The following PEAR1 variants were observed in gnomAD, a reference collection of about 807,000 sequenced individuals.
PEAR1 encodes the protein platelet endothelial aggregation receptor 1, also known as multiple EGF-like domains protein 12.
PEAR1 carries 113 observed loss-of-function variants against 131.2 expected under a neutral mutation model. That is an observed-to-expected ratio of 0.86 (90% CI 0.74 to 1.01). The LOEUF (loss-of-function observed/expected upper bound fraction) is 1.01, where lower values mean the gene tolerates loss of function less well. PEAR1 is among the 50% of genes least tolerant of loss of function. PEAR1 has a pLI of 0.00. For missense variants in PEAR1, 1,408 were observed against 1,391.1 expected (o/e 1.01, Z -0.19); for synonymous variants, 565 against 523.3 (o/e 1.08, Z -1.09).
Position 156,904,006 on chromosome 1 carries a change from A to G in PEAR1, c.80A>G (p.Asn27Ser). ...LAGTLNPSDP[N>S]TCSFWESFTT... The stretch of plus-strand genomic sequence containing the variant: ...GGAACTCTCAACCCCAGTGATCCCA[A>G]TACCTGCAGCTTCTGGGAAAGGTGA... Residue 27 changes from asparagine to serine, a missense_variant, in exon 2 of 23, where the codon AAT (asparagine) becomes AGT (serine). Physicochemically the swap from Asn to Ser is conservative, Grantham distance 46 (BLOSUM62 1). Coordinates refer to ENST00000292357, the MANE Select transcript of PEAR1 (RefSeq NM_001080471.3). 6.2e-7 allele frequency: 1 copy of G among 1,613,958 alleles called. No individual in the cohort carries two copies. The highest frequency in any genetic ancestry group is 1.7e-4 in the Middle Eastern group (1 of 6,058).
In PEAR1 at chr1:156,909,993, C is replaced by G. The variant is rs115062235; in HGVS notation, c.1576-13C>G. ...AGCTGACTGGCCTACCTGCTCCCCA[C>G]TCCTTCTCCAAGAAGGGGCAGTTTG... On this transcript the variant is annotated splice_polypyrimidine_tract_variant and intron_variant, in intron 12 of 22. Transcript: ENST00000292357. The G allele has an allele frequency of 3.5e-5, 56 of 1,613,216 alleles. No individual in the cohort carries two copies. The Admixed American group carries it at 9.0e-4, about 26-fold the overall frequency.
In PEAR1 at chr1:156,910,671, C is replaced by T. The variant is rs766090914; in HGVS notation, c.1879C>T (p.His627Tyr). Residue 627 changes from histidine (H) to tyrosine (Y), a missense_variant, in exon 15 of 23, where the codon CAC becomes TAC. Coordinates refer to ENST00000292357, the MANE Select transcript of PEAR1 (RefSeq NM_001080471.3). ...KRCVPCKCAN[H>Y]SFCHPSNGTC... ...CTGTGTGCCCTGCAAGTGCGCTAAC[C>T]ACTCCTTCTGCCACCCCTCGAACGG... 51 of 1,614,000 alleles carry T rather than the reference C, an allele frequency of 3.2e-5. No individual in the cohort carries two copies. The South Asian group carries it at 5.5e-4, about 17-fold the overall frequency.
intron 15 of PEAR1, among the ~76,000 whole-genome samples, chr1:156,911,732 C>A (rs775546018): frequency 6.6e-6 from 1 of 151,806 alleles, no homozygotes; most frequent in Non-Finnish European, 1.5e-5. Context: ...CCAAGTAAAA[C>A]GAGTTTGGAA....
chr1:156,908,373 G>A lies in PEAR1; in HGVS notation c.1115+33G>A. 1 of 1,471,606 alleles carries A rather than the reference G, an allele frequency of 6.8e-7. No individual in the cohort carries two copies. The highest frequency in any genetic ancestry group is 9.0e-7 in the Non-Finnish European group (1 of 1,109,646). The allele number at this position is 1,471,606 out of a possible 1,614,324, so 91.2% of individuals were successfully genotyped here. Reference sequence around the variant, plus strand: ...GCGGGACATGTGGTCAAAGGATCAGGAGGCCAATGGGGAGGTCTTCCTGGC... The same window carrying A: ...GCGGGACATGTGGTCAAAGGATCAGAAGGCCAATGGGGAGGTCTTCCTGGC... On this transcript the variant is annotated intron_variant, in intron 9 of 22. Transcript: ENST00000292357. This position sits in a 1 kb window ranked among gnomAD's most constrained non-coding sequence, Gnocchi z 4.2.
Position 156,914,091 on chromosome 1 carries a change from C to T in PEAR1, c.2953C>T (p.Leu985=). The change falls in exon 22 of 23, where the codon CTG becomes TTG. Residue 985 remains leucine, a synonymous_variant. Transcript: ENST00000292357. ...DSGTYEQPSP[L]IHDRDSVGSQ... ...TGGCACCTACGAGCAGCCCAGCCCC[C>T]TGATCCATGGTGAGCCCTCCCTCTC... The T allele has an allele frequency of 6.3e-7, 1 of 1,595,800 alleles. No individual in the cohort carries two copies. Among genetic ancestry groups the T allele is most frequent in the Non-Finnish European group, 8.5e-7 (1 of 1,170,690 alleles).
chr1:156,905,084 G>GC (rs1196564612), intron 3 of PEAR1: 4 of 1,055,782 alleles, frequency 3.8e-6, no homozygotes, highest in African/African-American at 5.3e-5. Context: ...TGTGGGGTTG[G>GC]GGGGGGGGCA....
intron 1 of PEAR1, among the ~76,000 whole-genome samples, 172 bp downstream of exon 1, chr1:156,894,009 G>C (rs1648911395): frequency 6.6e-6 from 1 of 152,246 alleles, no homozygotes; most frequent in Non-Finnish European, 1.5e-5. Context: ...ACGTGAAGGA[G>C]GGGAAGGGGA....
In PEAR1 at chr1:156,907,904, T is replaced by C. The variant is rs1570965763; in HGVS notation, c.766-11T>C. ...GGTGCCTGGGGCCCTGTTGACCTCT[T>C]ATCCCCACAGGGCACCATCTGCTCC... On this transcript the variant is annotated splice_polypyrimidine_tract_variant and intron_variant, in intron 7 of 22. Coordinates refer to ENST00000292357, the MANE Select transcript of PEAR1 (RefSeq NM_001080471.3). The C allele has an allele frequency of 2.5e-6, 4 of 1,597,552 alleles. No homozygotes were observed. The Admixed American group carries it at 7.0e-5, about 28-fold the overall frequency.
rs757004633 is a variant in PEAR1 at position 156,914,643 on chromosome 1, C to A, written c.2963-4C>A. 3 of 1,609,516 alleles carry A rather than the reference C, an allele frequency of 1.9e-6. No homozygotes were observed. The South Asian group carries it at 3.3e-5, about 18-fold the overall frequency. ...TCCCTCTTATCTTGTCCTCATGTTT[C>A]CAGACCGAGACTCTGTGGGCTCCCA... On this transcript the variant is annotated splice_region_variant and splice_polypyrimidine_tract_variant and intron_variant, in intron 22 of 22. Coordinates refer to ENST00000292357, the MANE Select transcript of PEAR1 (RefSeq NM_001080471.3).
intron 15 of PEAR1, among the ~76,000 whole-genome samples, chr1:156,911,955 G>A (rs191907452): frequency 1.7e-4 from 26 of 152,266 alleles, no homozygotes; most frequent in East Asian, 1.9e-4. Flanking sequence ...ATCCATCCGG[G>A]GTAGCTTGGA....
At position 156,908,583 on chromosome 1, in the gene PEAR1, C is replaced by A; in HGVS notation, c.1116-72C>A. 7.2e-7 allele frequency: 1 copy of A among 1,394,704 alleles called. No homozygotes were observed. The highest frequency in any genetic ancestry group is 9.5e-7 in the Non-Finnish European group (1 of 1,050,792). 86.4% of individuals were successfully genotyped at this position (1,394,704 alleles called of 1,614,324 possible). On this transcript the variant is annotated intron_variant, in intron 9 of 22. Coordinates refer to ENST00000292357, the MANE Select transcript of PEAR1 (RefSeq NM_001080471.3). The surrounding 1 kb of genome is among the most constrained non-coding windows in gnomAD (Gnocchi z 4.2). ...AGCGATGTGCGAATCCCACTGACCA[C>A]GCGGAGGGGTCGGGAAGCTGCCCTG... is the stretch of plus-strand genomic sequence containing the variant.
intron 1 of PEAR1, among the ~76,000 whole-genome samples, chr1:156,899,001 AG>A (rs1470588472): frequency 2.6e-5 from 4 of 152,194 alleles, no homozygotes; most frequent in Non-Finnish European, 5.9e-5. Context: ...TGGAGCTTGG[AG>A]GATTCTGTTT....
chr1:156,913,557 G>A (rs1260041749), intron 20 of PEAR1, 34 bp downstream of exon 20: 3 of 1,608,984 alleles, frequency 1.9e-6, no homozygotes, highest in Non-Finnish European at 2.5e-6. Flanking sequence ...TCTGGCGCGG[G>A]TGGATGTGTG....
intron 15 of PEAR1, among the ~76,000 whole-genome samples, chr1:156,910,956 T>C (rs933521988): frequency 6.6e-6 from 1 of 152,210 alleles, no homozygotes; most frequent in Admixed American, 6.5e-5. Flanking sequence ...CCCTTCTGCA[T>C]GGGAAGCCTG....
At chr1:156,907,454 G>A (rs1322517545) in intron 6 of PEAR1, among the ~76,000 whole-genome samples, 156 bp from the exon 7 acceptor site, 1 of 152,198 alleles carries the variant, frequency 6.6e-6, no homozygotes, top group Non-Finnish European at 1.5e-5. Flanking sequence ...TCCAGTCCTG[G>A]AAACCTTTGC....
At chr1:156,907,879 G>A (rs1349438182) in intron 7 of PEAR1, 36 bp from the exon 8 acceptor site, 1 of 1,595,230 alleles carries the variant, frequency 6.3e-7, no homozygotes, top group Admixed American at 1.7e-5. Context: ...GAGGAGGCTG[G>A]GTGCCTGGGG....
intron 1 of PEAR1, among the ~76,000 whole-genome samples, 170 bp downstream of exon 1, chr1:156,894,007 G>A (rs1002311264): frequency 1.3e-5 from 2 of 152,264 alleles, no homozygotes; most frequent in African/African-American, 4.8e-5. Context: ...AGACGTGAAG[G>A]AGGGGAAGGG....
rs760897349 is a variant in PEAR1, at chr1:156,915,628, C to G, written c.*830C>G. The G allele has an allele frequency of 1.3e-5, 2 of 152,274 alleles. No individual in the cohort carries two copies. The highest frequency in any genetic ancestry group is 6.5e-5 in the Admixed American group (1 of 15,280). The allele number at this position is 152,274 out of a possible 1,614,324, so 9.4% of individuals were successfully genotyped here. A position where few individuals can be genotyped will look rare whatever the true frequency, so the allele number is the denominator to read the frequency against. On this transcript the variant is annotated 3_prime_UTR_variant, in exon 23 of 23. Coordinates refer to ENST00000292357, the MANE Select transcript of PEAR1 (RefSeq NM_001080471.3). Reference sequence around the variant, plus strand: ...CCACCCTCCGTACATCTTTCACAGCCCTGATTGCAGCTGTGTTCACTCACC... The same window carrying G: ...CCACCCTCCGTACATCTTTCACAGCGCTGATTGCAGCTGTGTTCACTCACC...
intron 1 of PEAR1, among the ~76,000 whole-genome samples, chr1:156,895,048 C>T (rs1038634070): frequency 3.3e-5 from 5 of 152,238 alleles, no homozygotes; most frequent in African/African-American, 1.2e-4. Flanking sequence ...TGGCCTCTCC[C>T]ACTCTTGAGG....
Sources: gnomAD v4.1 joint callset for allele counts (sites outside exome capture counted in the v4.1 genomes callset) on GRCh38, gnomAD v4.1.1 for gene constraint, Gnocchi (gnomAD v3.1) non-coding constraint, MANE v1.5 for transcripts, NCBI Gene and HGNC (gene_info 2026-07-23, HGNC 2026-07-21) for gene names.